RAPGEF4: variants seen among roughly 807,000 people sequenced by gnomAD.
RAPGEF4 encodes the protein Rap guanine nucleotide exchange factor 4.
RAPGEF4 carries 66 observed loss-of-function variants against 147.9 expected under a neutral mutation model. The ratio of observed to expected loss-of-function variants is 0.45; its 90% CI spans 0.37 to 0.55. The LOEUF is 0.55. RAPGEF4 is among the 20% of genes least tolerant of loss of function. The pLI, the probability that RAPGEF4 is intolerant of heterozygous loss-of-function variation, is 0.00. For missense variants in RAPGEF4, 1,071 were observed against 1,257.3 expected, an observed-to-expected ratio of 0.85 and a Z score of 2.24; for synonymous variants, 419 against 442.7, an observed-to-expected ratio of 0.95 and a Z score of 0.67.
chr2:172,826,849 G>A (rs1349006715), intron 4 of RAPGEF4, among the ~76,000 whole-genome samples: 1 of 151,978 alleles, frequency 6.6e-6, no homozygotes, highest in Non-Finnish European at 1.5e-5. Context: ...GCATGTGCCT[G>A]TAGCCATGGG....
intron 17 of RAPGEF4, among the ~76,000 whole-genome samples, chr2:173,001,663 G>T (rs1434120209): frequency 6.6e-6 from 1 of 152,140 alleles, no homozygotes; most frequent in Non-Finnish European, 1.5e-5. Context: ...TTGACTGGCA[G>T]TTCTGCTAGG....
Position 173,052,582 on chromosome 2 carries a change from A to T in RAPGEF4, c.*815A>T, listed in dbSNP as rs1330501179. ...AACCTTTACTATTGGCTACAAATTT[A>T]TTGTACCTGATGAAAACATATTTTC... On this transcript the variant is annotated 3_prime_UTR_variant, in exon 31 of 31. Coordinates refer to ENST00000397081, the MANE Select transcript of RAPGEF4 (RefSeq NM_007023.4). 4 of 152,658 alleles carry T rather than the reference A, an allele frequency of 2.6e-5. No homozygotes were observed. Among genetic ancestry groups the T allele is most frequent in the Non-Finnish European group, 5.9e-5 (4 of 68,034 alleles). The allele number at this position is 152,658 out of a possible 1,614,324, so 9.5% of individuals were successfully genotyped here. A position where few individuals can be genotyped will look rare whatever the true frequency, so the allele number is the denominator to read the frequency against.
At chr2:172,973,035 C>G (rs1690661822) in intron 10 of RAPGEF4, among the ~76,000 whole-genome samples, 1 of 151,402 alleles carries the variant, frequency 6.6e-6, no homozygotes, top group South Asian at 2.1e-4. Context: ...GGTGTGTTCT[C>G]TGAATGTTCT....
At chr2:172,797,682 A>G in intron 3 of RAPGEF4, 69 bp downstream of exon 3, 16 of 1,191,886 alleles carry the variant, frequency 1.3e-5, no homozygotes, top group Non-Finnish European at 1.9e-5. Context: ...TATGTCTTTT[A>G]TGCCATTAAA....
chr2:172,916,858 C>CT (rs1329990851), intron 4 of RAPGEF4, among the ~76,000 whole-genome samples: 1 of 152,164 alleles, frequency 6.6e-6, no homozygotes, highest in Admixed American at 6.5e-5. Flanking sequence ...GTTTGTGCAA[C>CT]CCACAAGCAC....
At chr2:172,757,200 A>G (rs1695862954) in intron 1 of RAPGEF4, among the ~76,000 whole-genome samples, 1 of 152,274 alleles carries the variant, frequency 6.6e-6, no homozygotes, top group Non-Finnish European at 1.5e-5. Context: ...ATCATAGAGA[A>G]GTTAATTTCA....
At chr2:172,915,359 G>T (rs1683950751) in intron 4 of RAPGEF4, among the ~76,000 whole-genome samples, 4 of 152,106 alleles carry the variant, frequency 2.6e-5, no homozygotes, top group Admixed American at 2.6e-4. Context: ...TGGGAAAAAG[G>T]AGTCTTTATC....
intron 29 of RAPGEF4, among the ~76,000 whole-genome samples, chr2:173,043,375 G>C (rs1443936898): frequency 6.6e-6 from 1 of 152,202 alleles, no homozygotes; most frequent in Non-Finnish European, 1.5e-5. Context: ...GAAGAGGCCT[G>C]ACGGTGAGGA....
upstream of RAPGEF4, chr2:172,735,736 T>C (rs1693681586): frequency 6.1e-6 from 1 of 164,972 alleles, no homozygotes; most frequent in Non-Finnish European, 1.3e-5. Context: ...GGCGCCGCAG[T>C]GCAGCGGCGG....
At chr2:172,995,099 C>T (rs1157194853) in intron 15 of RAPGEF4, among the ~76,000 whole-genome samples, 1 of 121,124 alleles carries the variant, frequency 8.3e-6, no homozygotes, top group Non-Finnish European at 1.9e-5. Context: ...GGTTAAGATC[C>T]TGAGATTTAA....
chr2:172,944,586 A>G (rs1375260357), intron 6 of RAPGEF4, among the ~76,000 whole-genome samples: 1 of 152,160 alleles, frequency 6.6e-6, no homozygotes, highest in Non-Finnish European at 1.5e-5. Flanking sequence ...AGGGAAGCAG[A>G]TGGGATTGAG....
chr2:172,988,381 A>G lies in RAPGEF4; in HGVS notation c.1227+109A>G, dbSNP rs929272662. ...TTAAATTTGCAACAACATTGCTCCT[A>G]GATGTAGAAAAGACATTATTGTATC... On this transcript the variant is annotated intron_variant, in intron 13 of 30. Transcript: ENST00000397081. 7 of 1,459,974 alleles carry G rather than the reference A, an allele frequency of 4.8e-6. 1 individual carries two copies. In the Admixed American group the frequency reaches 2.0e-4, roughly 41 times the overall value. 90.4% of individuals were successfully genotyped at this position (1,459,974 alleles called of 1,614,324 possible).
At chr2:172,893,463 C>T (rs984459902) in intron 4 of RAPGEF4, among the ~76,000 whole-genome samples, 2 of 152,212 alleles carry the variant, frequency 1.3e-5, no homozygotes, top group African/African-American at 2.4e-5. Flanking sequence ...GTAAAGTTTG[C>T]ACTTTATAAA....
chr2:173,052,393 G>T lies in RAPGEF4; in HGVS notation c.*626G>T, dbSNP rs1686332020. The stretch of plus-strand genomic sequence containing the variant: ...ATAGAATAATATTTATGTTTACAAT[G>T]TAACTTTTCAAAATTTACAAATCAG... On this transcript the variant is annotated 3_prime_UTR_variant, in exon 31 of 31. Transcript: ENST00000397081. 1 of 152,572 alleles carries T rather than the reference G, an allele frequency of 6.6e-6. No homozygotes were observed. The highest frequency in any genetic ancestry group is 1.5e-5 in the Non-Finnish European group (1 of 68,014). The allele number at this position is 152,572 out of a possible 1,614,324, so 9.5% of individuals were successfully genotyped here.
At chr2:172,786,802 G>A (rs1160949327) in intron 1 of RAPGEF4, among the ~76,000 whole-genome samples, 3 of 152,158 alleles carry the variant, frequency 2.0e-5, no homozygotes, top group Non-Finnish European at 2.9e-5. Flanking sequence ...CTTGAGGTTA[G>A]GAGTTTGAGG....
intron 25 of RAPGEF4, among the ~76,000 whole-genome samples, chr2:173,029,043 C>T (rs1806830): frequency 0.63 from 96,337 of 152,044 alleles, 33,292 homozygotes; most frequent in East Asian, 0.76. Context: ...CACATAGATG[C>T]GATTGTATAC....
intron 4 of RAPGEF4, among the ~76,000 whole-genome samples, chr2:172,898,497 C>T (rs1376108741): frequency 6.6e-6 from 1 of 152,148 alleles, no homozygotes; most frequent in East Asian, 1.9e-4. Flanking sequence ...GGGACAAGCT[C>T]CTCTGGGCAA....
intron 1 of RAPGEF4, among the ~76,000 whole-genome samples, chr2:172,779,783 T>C (rs1047632637): frequency 6.6e-6 from 1 of 152,022 alleles, no homozygotes; most frequent in Non-Finnish European, 1.5e-5. Context: ...GGGGAAGAAA[T>C]GATGGTGGCT....
At chr2:172,997,595 A>T (rs1410031229) in intron 16 of RAPGEF4, among the ~76,000 whole-genome samples, 1 of 152,062 alleles carries the variant, frequency 6.6e-6, no homozygotes, top group Non-Finnish European at 1.5e-5. Flanking sequence ...ATTGTGTTCC[A>T]CTTTGGTTAC....
Sources: gnomAD v4.1 joint callset for allele counts (sites outside exome capture counted in the v4.1 genomes callset) on GRCh38, gnomAD v4.1.1 for gene constraint, MANE v1.5 for transcripts, NCBI Gene and HGNC (gene_info 2026-07-23, HGNC 2026-07-21) for gene names.